NEIL1: variants seen among roughly 807,000 people sequenced by gnomAD.
NEIL1 encodes nei like DNA glycosylase 1, also known as endonuclease 8-like 1.
NEIL1 carries 31 observed loss-of-function variants against 44.2 expected under a neutral mutation model. That is an observed-to-expected ratio of 0.70 (90% confidence interval 0.53 to 0.95). The LOEUF (loss-of-function observed/expected upper bound fraction) is 0.95. Among genes scored for constraint, NEIL1 ranks in the 40% least tolerant of loss-of-function variants. NEIL1 has a pLI of 0.00. For missense variants in NEIL1, 549 were observed against 515.5 expected (o/e 1.07, Z -0.63); for synonymous variants, 254 against 209.7 (o/e 1.21, Z -1.83).
rs1277261791 is a variant in NEIL1 at position 75,355,211 on chromosome 15, A to G, written c.*177A>G. On this transcript the variant is annotated 3_prime_UTR_variant, in exon 10 of 10. Coordinates refer to ENST00000355059, the MANE Select transcript of NEIL1 (RefSeq NM_024608.4). The stretch of plus-strand genomic sequence containing the variant: ...CTTCCACATCTTTAAAGCTCATGTG[A>G]AAAATGCTGCATTTTTAATAAACTG... The G allele has an allele frequency of 5.0e-6, 3 of 599,304 alleles. No individual in the cohort carries two copies. Among genetic ancestry groups the G allele is most frequent in the African/African-American group, 1.9e-5 (1 of 53,526 alleles). The allele number at this position is 599,304 out of a possible 1,614,324, so 37.1% of individuals were successfully genotyped here. A position where few individuals can be genotyped will look rare whatever the true frequency, so the allele number is the denominator to read the frequency against.
Position 75,353,520 on chromosome 15 carries a change from G to A in NEIL1, c.719-219G>A, listed in dbSNP as rs187561015. 156 of 674,672 alleles carry A rather than the reference G, an allele frequency of 2.3e-4. No individual in the cohort carries two copies. In the African/African-American group the frequency reaches 2.5e-3, roughly 11 times the overall value. 41.8% of individuals were successfully genotyped at this position (674,672 alleles called of 1,614,324 possible). ...GGATTACAGGTGTGGCCACTGCACA[G>A]GGCCAGGACAAGGATTCTTAATCCC... On this transcript the variant is annotated intron_variant, in intron 5 of 9. Coordinates refer to ENST00000355059, the MANE Select transcript of NEIL1 (RefSeq NM_024608.4).
intron 5 of NEIL1, 57 bp from the exon 6 acceptor site, chr15:75,353,682 C>T (rs1247068555): frequency 5.0e-6 from 8 of 1,605,194 alleles, no homozygotes; most frequent in Non-Finnish European, 6.8e-6. Context: ...ACCAGGCTCC[C>T]CACTCCTCCC....
intron 1 of NEIL1, 177 bp downstream of exon 1, chr15:75,347,650 C>T (rs1009912018): frequency 3.1e-5 from 8 of 254,554 alleles, no homozygotes; most frequent in Non-Finnish European, 4.4e-5. Flanking sequence ...ACGAGCGGAA[C>T]GGAGTGCGGG....
intron 5 of NEIL1, chr15:75,353,183 G>A: frequency 5.6e-6 from 1 of 180,128 alleles, no homozygotes; most frequent in Non-Finnish European, 1.2e-5. Flanking sequence ...CCTCCAAGCT[G>A]CCCATGAGAC....
In NEIL1 at chr15:75,349,060, G is replaced by A. The variant is rs1357641825; in HGVS notation, c.155G>A (p.Arg52His). Residue 52 changes from arginine to histidine, a missense_variant, in exon 2 of 10, where the codon CGC (arginine) becomes CAC (histidine). Physicochemically the swap from Arg to His is conservative, Grantham distance 29. Coordinates refer to ENST00000355059, the MANE Select transcript of NEIL1 (RefSeq NM_024608.4). ...SSAYRISASARGKELRLILSP... is the reference protein window; with the variant it reads ...SSAYRISASAHGKELRLILSP... ...GCCTACCGCATCTCAGCTTCAGCCC[G>A]CGGCAAGGAGCTGCGCCTGATACTG... 1 of 1,613,422 alleles carries A rather than the reference G, an allele frequency of 6.2e-7. No homozygotes were observed. Among genetic ancestry groups the A allele is most frequent in the Non-Finnish European group, 8.5e-7 (1 of 1,179,986 alleles).
chr15:75,355,607 T>G lies in NEIL1; in HGVS notation c.*573T>G. The G allele has an allele frequency of 2.8e-6, 1 of 358,510 alleles. No homozygotes were observed. The highest frequency in any genetic ancestry group is 5.2e-6 in the Non-Finnish European group (1 of 192,686). 22.2% of individuals were successfully genotyped at this position (358,510 alleles called of 1,614,324 possible). ...AGGGGCTTCTCAACTCATGGTCTCT[T>G]CACTGGCTTTTGGTGGCTCGAGGTC... On this transcript the variant is annotated 3_prime_UTR_variant, in exon 10 of 10. Transcript: ENST00000355059.
At position 75,353,503 on chromosome 15, in the gene NEIL1, G is replaced by GGT; in HGVS notation, c.719-232_719-231dup. ...AGCTTCCCAAAGTGTCGGGATTACA[G>GGT]GTGTGGCCACTGCACAGGGCCAGGA... On this transcript the variant is annotated intron_variant, in intron 5 of 9. Transcript: ENST00000355059. The GGT allele has an allele frequency of 4.8e-6, 3 of 619,878 alleles. No homozygotes were observed. The Admixed American group carries it at 5.7e-5, about 12-fold the overall frequency. 38.4% of individuals were successfully genotyped at this position (619,878 alleles called of 1,614,324 possible).
Position 75,356,322 on chromosome 15 carries a change from G to T in NEIL1, c.*1288G>T. 6.2e-7 allele frequency: 1 copy of T among 1,612,332 alleles called. No homozygotes were observed. The highest frequency in any genetic ancestry group is 8.5e-7 in the Non-Finnish European group (1 of 1,179,430). On this transcript the variant is annotated 3_prime_UTR_variant, in exon 10 of 10. Transcript: ENST00000355059. This position sits in a 1 kb window ranked among gnomAD's most constrained non-coding sequence, Gnocchi z 5.8. The stretch of plus-strand genomic sequence containing the variant: ...TTGCCTGCTTGACGGTCTCCAATAC[G>T]ACCGCGGGTGAAGACACGGAAAACG...
Position 75,356,859 on chromosome 15 carries a change from C to T in NEIL1, c.*1825C>T. On this transcript the variant is annotated 3_prime_UTR_variant, in exon 10 of 10. Transcript: ENST00000355059. The surrounding 1 kb of genome is among the most constrained non-coding windows in gnomAD (Gnocchi z 5.8). ...CTTGCAGTCGTTGAGCAGGGCCAGC[C>T]CAAAGCCGTGTTCTGACAGATCCAT... The T allele has an allele frequency of 6.2e-7, 1 of 1,614,132 alleles. No homozygotes were observed. The highest frequency in any genetic ancestry group is 8.5e-7 in the Non-Finnish European group (1 of 1,180,030).
intron 1 of NEIL1, chr15:75,348,060 G>A (rs1319864546): frequency 9.3e-7 from 1 of 1,078,144 alleles, no homozygotes; most frequent in Non-Finnish European, 1.2e-6. Context: ...CCAGGGACCA[G>A]GCGCTGCCGC....
intron 2 of NEIL1, among the ~76,000 whole-genome samples, chr15:75,350,313 G>C (rs1392706164): frequency 6.6e-6 from 1 of 152,200 alleles, no homozygotes; most frequent in East Asian, 1.9e-4. Context: ...TGTGGTCCCT[G>C]CTCCCACAGA....
intron 1 of NEIL1, chr15:75,348,358 T>G (rs1595850250): frequency 8.1e-6 from 8 of 986,474 alleles, no homozygotes; most frequent in Non-Finnish European, 9.6e-6. Context: ...TCCAGGCGGG[T>G]CCTAAGTGTG....
chr15:75,353,631 C>A, intron 5 of NEIL1, 108 bp from the exon 6 acceptor site: 1 of 1,185,488 alleles, frequency 8.4e-7, no homozygotes, highest in Non-Finnish European at 1.3e-6. Context: ...GCCCCTGACT[C>A]AGTCCATCAG....
chr15:75,353,755 G>A lies in NEIL1; in HGVS notation c.735G>A (p.Gly245=). 6.2e-7 allele frequency: 1 copy of A among 1,614,158 alleles called. No homozygotes were observed. Among genetic ancestry groups the A allele is most frequent in the Non-Finnish European group, 8.5e-7 (1 of 1,179,994 alleles). Residue 245 remains glycine, a synonymous_variant, in exon 6 of 10, where the codon GGG becomes GGA. Transcript: ENST00000355059. ...GTCCCACAGGGGGCAAAGGCTACGG[G>A]TCAGAGAGCGGGGAGGAGGACTTTG... is the stretch of plus-strand genomic sequence containing the variant. ...EVVQLGGKGY[G]SESGEEDFAA...
rs1317959862 is a variant in NEIL1 at position 75,356,293 on chromosome 15, C to A, written c.*1259C>A. 1.9e-6 allele frequency: 3 copies of A among 1,610,956 alleles called. No homozygotes were observed. The highest frequency in any genetic ancestry group is 2.5e-6 in the Non-Finnish European group (3 of 1,178,986). On this transcript the variant is annotated 3_prime_UTR_variant, in exon 10 of 10. Coordinates refer to ENST00000355059, the MANE Select transcript of NEIL1 (RefSeq NM_024608.4). This position sits in a 1 kb window ranked among gnomAD's most constrained non-coding sequence, Gnocchi z 5.8. Reference sequence around the variant, plus strand: ...GGAACCCCGTCCCCAGCACGTCCCACCCCTTGCCTGCTTGACGGTCTCCAA... The same window carrying A: ...GGAACCCCGTCCCCAGCACGTCCCAACCCTTGCCTGCTTGACGGTCTCCAA...
At chr15:75,347,896 C>T in intron 1 of NEIL1, 1 of 1,225,468 alleles carries the variant, frequency 8.2e-7, no homozygotes, top group Non-Finnish European at 1.1e-6. Flanking sequence ...AGGGGCGGCT[C>T]CCAGGTGTGG....
Position 75,356,981 on chromosome 15 carries a change from G to A in NEIL1, c.*1947G>A, listed in dbSNP as rs1467921598. 5 of 1,189,728 alleles carry A rather than the reference G, an allele frequency of 4.2e-6. No individual in the cohort carries two copies. Among genetic ancestry groups the A allele is most frequent in the Non-Finnish European group, 6.2e-6 (5 of 811,402 alleles). The allele number at this position is 1,189,728 out of a possible 1,614,324, so 73.7% of individuals were successfully genotyped here. A position where few individuals can be genotyped will look rare whatever the true frequency, so the allele number is the denominator to read the frequency against. ...CCAGACTCCAGAGCTCCTGTCACTA[G>A]GCCGAGCACAAGCTCTAGAACCACA... On this transcript the variant is annotated 3_prime_UTR_variant, in exon 10 of 10. Transcript: ENST00000355059. This position sits in a 1 kb window ranked among gnomAD's most constrained non-coding sequence, Gnocchi z 5.8.
intron 1 of NEIL1, chr15:75,347,989 C>T: frequency 8.2e-7 from 1 of 1,226,034 alleles, no homozygotes; most frequent in Non-Finnish European, 1.1e-6. Context: ...CCGAACCGCC[C>T]GGGGACAGAG....
Position 75,353,647 on chromosome 15 carries a change from G to A in NEIL1, c.719-92G>A. ...CCCCTGACTCAGTCCATCAGCTTGT[G>A]TAGCTGAGGTCTGGGCCAGGTCTAA... On this transcript the variant is annotated intron_variant, in intron 5 of 9. Transcript: ENST00000355059. 3 of 1,319,900 alleles carry A rather than the reference G, an allele frequency of 2.3e-6. No homozygotes were observed. The South Asian group carries it at 3.5e-5, about 16-fold the overall frequency. The allele number at this position is 1,319,900 out of a possible 1,614,324, so 81.8% of individuals were successfully genotyped here.
Sources: gnomAD v4.1 joint callset for allele counts (sites outside exome capture counted in the v4.1 genomes callset) on GRCh38, gnomAD v4.1.1 for gene constraint, Gnocchi (gnomAD v3.1) non-coding constraint, MANE v1.5 for transcripts, NCBI Gene and HGNC (gene_info 2026-07-23, HGNC 2026-07-21) for gene names.